TCOF1: variants seen among roughly 807,000 people sequenced by gnomAD.
TCOF1 encodes treacle protein.
A neutral mutation model predicts 149.0 loss-of-function variants in TCOF1; 33 were observed. That is an observed-to-expected ratio of 0.22 (90% CI 0.17 to 0.30). TCOF1 has a LOEUF of 0.30. TCOF1 is among the 10% of genes least tolerant of loss of function. The pLI is 1.00. For missense variants in TCOF1, 1,728 were observed against 1,840.7 expected, an observed-to-expected ratio of 0.94 and a Z score of 1.12; for synonymous variants, 789 against 738.8, an observed-to-expected ratio of 1.07 and a Z score of -1.10.
chr5:150,366,890 A>G (rs1761467531), intron 3 of TCOF1, among the ~76,000 whole-genome samples: 1 of 127,132 alleles, frequency 7.9e-6, no homozygotes, highest in East Asian at 2.3e-4. Flanking sequence ...TCCTGACCTC[A>G]TGATCCACCC....
rs777177027 is a variant in TCOF1 at position 150,376,182 on chromosome 5, C to T, written c.1994C>T (p.Ala665Val). ...GCCCCTGTGCGAGTGGGCACCCAAG[C>T]CCCCCGGAAAGCAGGAACTGCGACT... ...KVAPVRVGTQ[A>V]PRKAGTATSP... Residue 665 changes from alanine (A) to valine (V), a missense_variant, in exon 13 of 27, where the codon GCC becomes GTC. Around this residue, in one of 2 missense-constraint regions of TCOF1, gnomAD observed 1,696 missense variants for 1,765.4 expected, o/e 0.96. Coordinates refer to ENST00000643257, the MANE Select transcript of TCOF1 (RefSeq NM_001371623.1). The T allele has an allele frequency of 1.9e-6, 3 of 1,613,646 alleles. No homozygotes were observed. Among genetic ancestry groups the T allele is most frequent in the Non-Finnish European group, 2.5e-6 (3 of 1,179,504 alleles).
chr5:150,395,071 C>T (rs964763604), intron 23 of TCOF1, among the ~76,000 whole-genome samples: 2 of 152,208 alleles, frequency 1.3e-5, no homozygotes, highest in African/African-American at 4.8e-5. Flanking sequence ...CCAGCCGTCC[C>T]GGGGGCCCCT....
Position 150,359,872 on chromosome 5 carries a change from C to T in TCOF1, c.109-1284C>T, listed in dbSNP as rs148226293. 2.9e-3 allele frequency among the ~76,000 whole-genome samples: 437 copies of T among 152,104 alleles called. 2 individuals carry two copies. Among genetic ancestry groups the T allele is most frequent in the African/African-American group, 0.01 (423 of 41,454 alleles). On this transcript the variant is annotated intron_variant, in intron 1 of 26. Coordinates refer to ENST00000643257, the MANE Select transcript of TCOF1 (RefSeq NM_001371623.1). ...AAGGGGGATAAGGGATGTCAGACTTCGATTATAAGTAGGGTAGTCAAGGAA... is the reference window on the plus strand; with the variant it reads ...AAGGGGGATAAGGGATGTCAGACTTTGATTATAAGTAGGGTAGTCAAGGAA...
intron 1 of TCOF1, among the ~76,000 whole-genome samples, chr5:150,360,714 C>G (rs1759855289): frequency 6.6e-6 from 1 of 151,480 alleles, no homozygotes; most frequent in Admixed American, 6.6e-5. Flanking sequence ...GACATACTTC[C>G]CAGAGCAAAA....
At chr5:150,359,486 GA>G (rs1274880129) in intron 1 of TCOF1, among the ~76,000 whole-genome samples, 1 of 152,208 alleles carries the variant, frequency 6.6e-6, no homozygotes, top group Admixed American at 6.5e-5. Flanking sequence ...TAAACCAATG[GA>G]GAGTTTTGAA....
In TCOF1 at chr5:150,396,161, C is replaced by T. The variant is rs902335510; in HGVS notation, c.3785-121C>T. On this transcript the variant is annotated intron_variant, in intron 23 of 26. Coordinates refer to ENST00000643257, the MANE Select transcript of TCOF1 (RefSeq NM_001371623.1). ...CAGAGTGACCGCCAAGCCTTGCTCT[C>T]CCCATCTGTGCCATTGTAAGAAAAG... is the stretch of plus-strand genomic sequence containing the variant. 1.1e-5 allele frequency: 13 copies of T among 1,153,438 alleles called. No homozygotes were observed. The Admixed American group carries it at 1.9e-4, about 17-fold the overall frequency. 71.5% of individuals were successfully genotyped at this position (1,153,438 alleles called of 1,614,324 possible). A position where few individuals can be genotyped will look rare whatever the true frequency, so the allele number is the denominator to read the frequency against.
At chr5:150,364,013 GC>G in intron 2 of TCOF1, 99 bp from the exon 3 acceptor site, 3 of 1,560,182 alleles carry the variant, frequency 1.9e-6, no homozygotes, top group Non-Finnish European at 2.6e-6. Context: ...TATGCACATT[GC>G]CTTTAAGAGC....
At chr5:150,378,172 T>G (rs981828105) in intron 14 of TCOF1, among the ~76,000 whole-genome samples, 4 of 152,196 alleles carry the variant, frequency 2.6e-5, no homozygotes, top group African/African-American at 7.2e-5. Context: ...GGGATGGGGT[T>G]GTTTTCTGAC....
intron 22 of TCOF1, 67 bp downstream of exon 22, chr5:150,392,857 C>A: frequency 6.4e-7 from 1 of 1,561,584 alleles, no homozygotes; most frequent in South Asian, 1.1e-5. Context: ...AGGCTCCTGT[C>A]TACCCGATCC....
chr5:150,389,658 T>C (rs922187117), intron 18 of TCOF1, among the ~76,000 whole-genome samples: 13 of 152,088 alleles, frequency 8.5e-5, no homozygotes, highest in Non-Finnish European at 1.9e-4. Flanking sequence ...TGAGGAAGCC[T>C]GGGGTCACCC....
At chr5:150,371,345 G>A (rs13164355) in intron 6 of TCOF1, among the ~76,000 whole-genome samples, 4,214 of 152,226 alleles carry the variant, frequency 0.028, 160 homozygotes, top group East Asian at 0.19. Flanking sequence ...TGTCACCCCA[G>A]GCCTTGCCAA....
chr5:150,378,755 T>G, intron 14 of TCOF1, 150 bp from the exon 15 acceptor site: 22 of 1,069,792 alleles, frequency 2.1e-5, no homozygotes, highest in Non-Finnish European at 3.0e-5. Flanking sequence ...TGAGGCCCAG[T>G]GAGATCAAGT....
chr5:150,378,774 C>A, intron 14 of TCOF1, 131 bp from the exon 15 acceptor site: 1 of 1,310,598 alleles, frequency 7.6e-7, no homozygotes, highest in Non-Finnish European at 1.1e-6. Flanking sequence ...GTGATGAGCT[C>A]AGGTTCACAC....
At chr5:150,398,538 T>C in intron 25 of TCOF1, 87 bp downstream of exon 25, 11 of 1,593,090 alleles carry the variant, frequency 6.9e-6, no homozygotes, top group Non-Finnish European at 8.5e-6. Flanking sequence ...TCCTGCCCCC[T>C]TCCCATTTTC....
intron 24 of TCOF1, among the ~76,000 whole-genome samples, chr5:150,397,547 A>G (rs1038350407): frequency 1.3e-5 from 2 of 152,184 alleles, no homozygotes; most frequent in African/African-American, 4.8e-5. Flanking sequence ...GGCTCGGAGA[A>G]GTAGAGATGC....
chr5:150,391,059 G>A (rs570466332), intron 19 of TCOF1, among the ~76,000 whole-genome samples: 9 of 152,292 alleles, frequency 5.9e-5, no homozygotes, highest in Admixed American at 1.3e-4. Flanking sequence ...TCCAGGCAGG[G>A]AAACTGCAGG....
At position 150,376,526 on chromosome 5, in the gene TCOF1, C is replaced by T; in HGVS notation, c.2246C>T (p.Pro749Leu). The T allele has an allele frequency of 1.9e-6, 3 of 1,611,646 alleles. No homozygotes were observed. Among genetic ancestry groups the T allele is most frequent in the Non-Finnish European group, 2.5e-6 (3 of 1,178,850 alleles). The stretch of plus-strand genomic sequence containing the variant: ...CCAGTACTCCCTGGGAAGACGGGGC[C>T]TACAGTCACCCAGGTGAAAGCTGAA... ...TAPVLPGKTG[P>L]TVTQVKAEKQ... Residue 749 changes from proline to leucine, a missense_variant, in exon 14 of 27, where the codon CCT becomes CTT. Pro to Leu is a moderately conservative substitution (Grantham distance 98, BLOSUM62 -3). This residue lies in a region of TCOF1 where 1,696 missense variants were observed against 1,765.4 expected (regional missense o/e 0.96). Coordinates refer to ENST00000643257, the MANE Select transcript of TCOF1 (RefSeq NM_001371623.1).
chr5:150,388,083 C>T lies in TCOF1; in HGVS notation c.3041C>T (p.Thr1014Ile), dbSNP rs1362076087. Reference sequence around the variant, plus strand: ...GTGATCCCCGCTACACAGTGCTTGACTCCTGGTGAGCGCAGCCCTTATGCA... The same window carrying T: ...GTGATCCCCGCTACACAGTGCTTGATTCCTGGTGAGCGCAGCCCTTATGCA... Reference protein sequence around the residue: ...EDVIPATQCLTPGIRTNVVTM... With the variant: ...EDVIPATQCLIPGIRTNVVTM... The change falls in exon 18 of 27, where the codon ACT becomes ATT. Residue 1014 changes from threonine to isoleucine, a missense_variant. Transcript: ENST00000643257. 1 of 1,613,262 alleles carries T rather than the reference C, an allele frequency of 6.2e-7. No homozygotes were observed. The highest frequency in any genetic ancestry group is 8.5e-7 in the Non-Finnish European group (1 of 1,179,952).
At position 150,393,499 on chromosome 5, in the gene TCOF1, G is replaced by A. The variant is rs1051908787; in HGVS notation, c.3731G>A (p.Gly1244Asp). ...CTGGCCGCCAAAGATGACCCAGATGGCAAGCAGGAGGCAAAGCCCCAACAG... is the reference window on the plus strand; with the variant it reads ...CTGGCCGCCAAAGATGACCCAGATGACAAGCAGGAGGCAAAGCCCCAACAG... Reference protein sequence around the residue: ...STLAAKDDPDGKQEAKPQQAA... With the variant: ...STLAAKDDPDDKQEAKPQQAA... The change falls in exon 23 of 27, where the codon GGC (glycine) becomes GAC (aspartate). Residue 1244 changes from glycine to aspartate, a missense_variant. This residue lies in a region of TCOF1 where 1,696 missense variants were observed against 1,765.4 expected (regional missense o/e 0.96). Coordinates refer to ENST00000643257, the MANE Select transcript of TCOF1 (RefSeq NM_001371623.1). The A allele has an allele frequency of 2.5e-6, 4 of 1,614,048 alleles. No individual in the cohort carries two copies. In the African/African-American group the frequency reaches 5.3e-5, roughly 22 times the overall value.
Sources: gnomAD v4.1 joint callset for allele counts (sites outside exome capture counted in the v4.1 genomes callset) on GRCh38, gnomAD v4.1.1 for gene constraint, gnomAD v4.1.1 regional missense constraint, MANE v1.5 for transcripts, NCBI Gene and HGNC (gene_info 2026-07-23, HGNC 2026-07-21) for gene names.